Variants in ZNF236 observed in about 807,000 individuals in gnomAD.
The protein encoded by ZNF236 is zinc finger protein 236.
Under a neutral mutation model 191.2 loss-of-function variants are expected in ZNF236, and 50 were observed. That is an observed-to-expected ratio of 0.26 (90% CI 0.21 to 0.33). ZNF236 has a LOEUF of 0.33. Ranked by LOEUF, ZNF236 falls within the 10% of genes least tolerant of loss-of-function variation. The pLI, the probability that ZNF236 is intolerant of heterozygous loss-of-function variation, is 1.00. For missense variants in ZNF236, 1,754 were observed against 2,374.5 expected (o/e 0.74, Z 5.43); for synonymous variants, 907 against 928.8 (o/e 0.98, Z 0.43).
At chr18:76,958,968 G>A (rs1293136898) in intron 28 of ZNF236, among the ~76,000 whole-genome samples, 1 of 152,210 alleles carries the variant, frequency 6.6e-6, no homozygotes, top group Non-Finnish European at 1.5e-5. Context: ...GATTCTATTA[G>A]GATAATTATT....
intron 30 of ZNF236, among the ~76,000 whole-genome samples, chr18:76,967,492 G>T: frequency 6.9e-6 from 1 of 145,724 alleles, no homozygotes; most frequent in East Asian, 2.1e-4. Flanking sequence ...GTGGTGATGT[G>T]ATCTGTGAGA....
intron 27 of ZNF236, among the ~76,000 whole-genome samples, chr18:76,948,734 A>G (rs1968331748): frequency 6.6e-6 from 1 of 152,216 alleles, no homozygotes. Flanking sequence ...AAGCTCTGGT[A>G]TCCAGAATTG....
At chr18:76,894,954 T>G in intron 9 of ZNF236, 59 bp from the exon 10 acceptor site, 2 of 1,585,122 alleles carry the variant, frequency 1.3e-6, no homozygotes, top group Non-Finnish European at 1.7e-6. Flanking sequence ...CAGGGGGTCC[T>G]GGACCTGACC....
chr18:76,849,393 A>G, intron 1 of ZNF236, 133 bp from the exon 2 acceptor site: 1 of 652,932 alleles, frequency 1.5e-6, no homozygotes, highest in Non-Finnish European at 2.4e-6. Flanking sequence ...TCAGTATATC[A>G]TTAATTTCGT....
intron 3 of ZNF236, among the ~76,000 whole-genome samples, chr18:76,867,721 A>G (rs1976456337): frequency 6.6e-6 from 1 of 152,226 alleles, no homozygotes; most frequent in African/African-American, 2.4e-5. Flanking sequence ...TGAAGTAATT[A>G]TTGAGTTCTC....
chr18:76,955,912 G>T, intron 27 of ZNF236, 73 bp from the exon 28 acceptor site: 5 of 1,484,404 alleles, frequency 3.4e-6, no homozygotes, highest in Non-Finnish European at 4.6e-6. Flanking sequence ...TTATCACCAC[G>T]GTGTGTGTCA....
chr18:76,919,061 A>G lies in ZNF236; in HGVS notation c.3275-715A>G, dbSNP rs2122800119. 6.6e-6 allele frequency among the ~76,000 whole-genome samples: 1 copy of G among 152,204 alleles called. No homozygotes were observed. The highest frequency in any genetic ancestry group is 2.4e-5 in the African/African-American group (1 of 41,536). ...TGCTAATTTATTAATTTGGTCTCCC[A>G]TTTTTGGGCTTCTGGTTTTAAAAAA... On this transcript the variant is annotated intron_variant, in intron 19 of 30. Coordinates refer to ENST00000320610, the MANE Select transcript of ZNF236 (RefSeq NM_001306089.2). The surrounding 1 kb of genome is among the most constrained non-coding windows in gnomAD (Gnocchi z 5.3).
At chr18:76,889,686 A>G (rs983175794) in intron 9 of ZNF236, among the ~76,000 whole-genome samples, 4 of 152,208 alleles carry the variant, frequency 2.6e-5, no homozygotes, top group African/African-American at 9.6e-5. Flanking sequence ...TAAGTGTTTA[A>G]TGAATATATA....
At chr18:76,858,297 C>A (rs1297724861) in intron 3 of ZNF236, among the ~76,000 whole-genome samples, 2 of 152,164 alleles carry the variant, frequency 1.3e-5, no homozygotes, top group Non-Finnish European at 2.9e-5. Flanking sequence ...AATAATAGTA[C>A]AATGGATATT....
At chr18:76,882,779 C>T (rs551253800) in intron 9 of ZNF236, among the ~76,000 whole-genome samples, 37 of 152,278 alleles carry the variant, frequency 2.4e-4, no homozygotes, top group Non-Finnish European at 4.9e-4. Flanking sequence ...CAGTTTCTCC[C>T]GCACAGTTTC....
chr18:76,869,209 A>G (rs1285642221), intron 4 of ZNF236, among the ~76,000 whole-genome samples: 2 of 152,214 alleles, frequency 1.3e-5, no homozygotes, highest in Non-Finnish European at 2.9e-5. Flanking sequence ...GTGGTACCCA[A>G]CCGTTAAAAC....
In ZNF236 at chr18:76,903,434, C is replaced by T. The variant is rs140416019; in HGVS notation, c.1895-946C>T. The stretch of plus-strand genomic sequence containing the variant: ...TGGGCTTTAGGGGAAGAAATTGAAA[C>T]GGAATCTGTATTTTTATGGAAAGTC... On this transcript the variant is annotated intron_variant, in intron 11 of 30. Transcript: ENST00000320610. Among the ~76,000 whole-genome samples the T allele has an allele frequency of 2.0e-3, 300 of 152,226 alleles. 1 individual carries two copies. The highest frequency in any genetic ancestry group is 6.9e-3 in the African/African-American group (286 of 41,548).
rs3752074 is a variant in ZNF236 at position 76,935,997 on chromosome 18, C to A, written c.4595-1159C>A. 10 of 457,170 alleles carry A rather than the reference C, an allele frequency of 2.2e-5. No individual in the cohort carries two copies. The East Asian group carries it at 6.9e-4, about 32-fold the overall frequency. The allele number at this position is 457,170 out of a possible 1,614,324, so 28.3% of individuals were successfully genotyped here. The stretch of plus-strand genomic sequence containing the variant: ...TTTTGAAGGTTCCAGGTCTGTGCAG[C>A]ACAGTGTGGGACCCCAGGAGTGTGG... On this transcript the variant is annotated intron_variant, in intron 25 of 30. Transcript: ENST00000320610.
At chr18:76,906,107 G>A (rs1014499081) in intron 13 of ZNF236, among the ~76,000 whole-genome samples, 4 of 152,184 alleles carry the variant, frequency 2.6e-5, no homozygotes, top group African/African-American at 9.7e-5. Flanking sequence ...CTTTGAGACA[G>A]CATTTTAACC....
chr18:76,915,876 G>A lies in ZNF236; in HGVS notation c.3274+17G>A, dbSNP rs1379128431. The A allele has an allele frequency of 4.4e-6, 7 of 1,607,712 alleles. No homozygotes were observed. The African/African-American group carries it at 9.4e-5, about 21-fold the overall frequency. On this transcript the variant is annotated intron_variant, in intron 19 of 30. Transcript: ENST00000320610. ...AAGGAGGAGGTATTTTCCATTTGTT[G>A]ATTCAAGGTGTATTAACCCGATGCT... is the stretch of plus-strand genomic sequence containing the variant.
intron 26 of ZNF236, among the ~76,000 whole-genome samples, chr18:76,941,694 C>T (rs747603213): frequency 7.9e-5 from 12 of 152,138 alleles, no homozygotes; most frequent in Non-Finnish European, 1.6e-4. Context: ...ATTAGTGTTT[C>T]TGTTAAGCTT....
intron 28 of ZNF236, among the ~76,000 whole-genome samples, chr18:76,956,701 G>A (rs550752108): frequency 1.3e-5 from 2 of 152,230 alleles, no homozygotes; most frequent in African/African-American, 2.4e-5. Context: ...CTGAGTGCCC[G>A]CATGTGGGAA....
At chr18:76,933,866 A>G (rs1190874347) in intron 25 of ZNF236, among the ~76,000 whole-genome samples, 1 of 152,142 alleles carries the variant, frequency 6.6e-6, no homozygotes, top group Non-Finnish European at 1.5e-5. Flanking sequence ...TCTCAACTGT[A>G]TAGTAGTAGT....
chr18:76,847,626 C>T (rs535803341), intron 1 of ZNF236, among the ~76,000 whole-genome samples: 4 of 152,068 alleles, frequency 2.6e-5, no homozygotes, highest in Non-Finnish European at 2.9e-5. Flanking sequence ...CCACCACGCC[C>T]GGCTGATTTT....
Sources: gnomAD v4.1 joint callset for allele counts (sites outside exome capture counted in the v4.1 genomes callset) on GRCh38, gnomAD v4.1.1 for gene constraint, Gnocchi (gnomAD v3.1) non-coding constraint, MANE v1.5 for transcripts, NCBI Gene and HGNC (gene_info 2026-07-23, HGNC 2026-07-21) for gene names.